The following SEPTIN4 variants were observed in gnomAD, a reference collection of about 807,000 sequenced individuals.
SEPTIN4 encodes septin-4.
In SEPTIN4, 52 loss-of-function variants were observed where a neutral mutation model predicts 107.1. The ratio of observed to expected loss-of-function variants is 0.49; its 90% CI spans 0.39 to 0.61. SEPTIN4 has a LOEUF of 0.61. SEPTIN4 is among the 20% of genes least tolerant of loss of function. SEPTIN4 has a pLI of 0.00. For missense variants in SEPTIN4, 1,048 were observed against 1,243.5 expected (o/e 0.84, Z 2.36); for synonymous variants, 417 against 467.0 (o/e 0.89, Z 1.38).
At chr17:58,534,701 A>C (rs572836569) in intron 3 of SEPTIN4, among the ~76,000 whole-genome samples, 2 of 152,290 alleles carry the variant, frequency 1.3e-5, no homozygotes, top group Admixed American at 6.5e-5. Context: ...TGTCTAGGGG[A>C]GTGTCTAGCT....
chr17:58,529,023 G>A, intron 3 of SEPTIN4: 2 of 1,496,050 alleles, frequency 1.3e-6, no homozygotes, highest in South Asian at 1.1e-5. Context: ...CTCTGCCAGT[G>A]ACCAAATCAT....
Position 58,521,871 on chromosome 17 carries a change from G to A in SEPTIN4, c.2352-18C>T. 1 of 1,614,226 alleles carries A rather than the reference G, an allele frequency of 6.2e-7. No individual in the cohort carries two copies. Among genetic ancestry groups the A allele is most frequent in the Non-Finnish European group, 8.5e-7 (1 of 1,180,042 alleles). ...GCCGGAGCCTGGGGAACAGGAACCT[G>A]TGACCACCTGCTAGTGGCAGCCCTG... On this transcript the variant is annotated intron_variant, in intron 8 of 13. Transcript: ENST00000672673. The surrounding 1 kb of genome is among the most constrained non-coding windows in gnomAD (Gnocchi z 6.4).
intron 3 of SEPTIN4, chr17:58,527,446 T>G: frequency 3.5e-6 from 1 of 284,922 alleles, no homozygotes. Context: ...ATGAGGGAAG[T>G]AGGCAGGGGA....
In SEPTIN4 at chr17:58,521,364, G is replaced by C. The variant is rs1232945071; in HGVS notation, c.2572-14C>G. On this transcript the variant is annotated splice_polypyrimidine_tract_variant and intron_variant, in intron 10 of 13. Coordinates refer to ENST00000672673, the MANE Select transcript of SEPTIN4 (RefSeq NM_001368771.2). The surrounding 1 kb of genome is among the most constrained non-coding windows in gnomAD (Gnocchi z 6.4). ...TGGGATGCTTTCCTGGAAGAGGTTA[G>C]GGGTGCCTGTCAGCACCCTCTGTTC... The C allele has an allele frequency of 6.2e-7, 1 of 1,612,862 alleles. No individual in the cohort carries two copies. The highest frequency in any genetic ancestry group is 8.5e-7 in the Non-Finnish European group (1 of 1,178,930).
intron 3 of SEPTIN4, chr17:58,527,581 C>T: frequency 4.8e-6 from 1 of 207,652 alleles, no homozygotes; most frequent in Non-Finnish European, 9.8e-6. Flanking sequence ...GGGTTCACTG[C>T]CCAGCGCTCA....
chr17:58,529,606 A>G (rs2043285107), intron 3 of SEPTIN4, among the ~76,000 whole-genome samples: 1 of 152,178 alleles, frequency 6.6e-6, no homozygotes, highest in Admixed American at 6.5e-5. Flanking sequence ...TATGAGGACT[A>G]TGAGCTATCC....
In SEPTIN4 at chr17:58,542,822, T is replaced by C; in HGVS notation, c.1365A>G (p.Leu455=). 6.2e-7 allele frequency: 1 copy of C among 1,614,112 alleles called. No homozygotes were observed. Among genetic ancestry groups the C allele is most frequent in the Non-Finnish European group, 8.5e-7 (1 of 1,180,020 alleles). The change falls in exon 1 of 14, where the codon CTA becomes CTG. Residue 455 remains leucine, a synonymous_variant. Coordinates refer to ENST00000672673, the MANE Select transcript of SEPTIN4 (RefSeq NM_001368771.2). ...TTTTAAAACCGGACAATAAAAGATC[T>C]AGGGAAGGAGAGCACTTAGGCTCAA... ...PDFEPKCSPS[L]DLLLSGFKID...
At chr17:58,531,911 T>G (rs1424668668) in intron 3 of SEPTIN4, 1 of 1,131,106 alleles carries the variant, frequency 8.8e-7, no homozygotes, top group Admixed American at 4.9e-5. Flanking sequence ...CGACCGGCCC[T>G]GCGCACCCCA....
At chr17:58,540,631 G>T (rs765721443) in intron 3 of SEPTIN4, 35 bp downstream of exon 3, 7 of 1,342,296 alleles carry the variant, frequency 5.2e-6, no homozygotes, top group Non-Finnish European at 6.7e-6. Context: ...GTGGGCCCAG[G>T]AAGACTGGGA....
In SEPTIN4 at chr17:58,525,696, T is replaced by C. The variant is rs1227582949; in HGVS notation, c.2091A>G (p.Glu697=). 1 of 1,613,612 alleles carries C rather than the reference T, an allele frequency of 6.2e-7. No individual in the cohort carries two copies. The highest frequency in any genetic ancestry group is 8.5e-7 in the Non-Finnish European group (1 of 1,179,648). ...CTGATTGTCCTCTCCTTTCCTTACCTTCAGCACCAAGAAGTTTCCGGTCCC... is the reference window on the plus strand; with the variant it reads ...CTGATTGTCCTCTCCTTTCCTTACCCTCAGCACCAAGAAGTTTCCGGTCCC... The part of the protein sequence containing the change: ...LYRDRKLLGA[E]ERIMQTVEIT... The change falls in exon 6 of 14, where the codon GAA becomes GAG. Residue 697 remains glutamate (E), a splice_region_variant and synonymous_variant. Transcript: ENST00000672673.
intron 3 of SEPTIN4, chr17:58,532,018 G>C (rs2043516202): frequency 8.8e-7 from 1 of 1,132,724 alleles, no homozygotes; most frequent in Non-Finnish European, 1.1e-6. Flanking sequence ...GCGACCCGCG[G>C]CGGAGCTGCG....
At chr17:58,536,630 G>A (rs1054258192) in intron 3 of SEPTIN4, among the ~76,000 whole-genome samples, 4 of 152,156 alleles carry the variant, frequency 2.6e-5, no homozygotes, top group South Asian at 2.1e-4. Flanking sequence ...CCAAGGAAGC[G>A]ACACCCACAG....
intron 3 of SEPTIN4, chr17:58,529,080 G>T (rs1268648399): frequency 1.9e-6 from 3 of 1,612,844 alleles, no homozygotes; most frequent in Non-Finnish European, 2.5e-6. Flanking sequence ...GGGAAGACAG[G>T]TCACGTCCAC....
At chr17:58,541,604 T>C (rs892109736) in intron 2 of SEPTIN4, 11 of 577,904 alleles carry the variant, frequency 1.9e-5, no homozygotes, top group Admixed American at 1.3e-4. Flanking sequence ...GCGGTTTGCT[T>C]TGGTGTATTT....
intron 3 of SEPTIN4, among the ~76,000 whole-genome samples, chr17:58,533,695 A>C (rs1389035346): frequency 1.3e-5 from 2 of 152,142 alleles, no homozygotes; most frequent in East Asian, 3.9e-4. Flanking sequence ...CAGGAAAACA[A>C]AGACATAAAG....
In SEPTIN4 at chr17:58,544,112, TGTGTTA is replaced by T. The variant is rs763763368; in HGVS notation, c.69_74del (p.Asn24_Thr25del). 2 of 1,614,136 alleles carry T rather than the reference TGTGTTA, an allele frequency of 1.2e-6. No individual in the cohort carries two copies. The highest frequency in any genetic ancestry group is 3.3e-5 in the Admixed American group (2 of 60,022). ...CGTACCCATGTCCCTGCTGAGGGGA[TGTGTTA>T]GTAGTAACCTCAGACCCTCTCTGTG... is the stretch of plus-strand genomic sequence containing the variant. On this transcript the variant is annotated inframe_deletion, in exon 1 of 14. Transcript: ENST00000672673.
chr17:58,526,284 G>C lies in SEPTIN4; in HGVS notation c.1941C>G (p.Thr647=). The change falls in exon 5 of 14, where the codon ACC becomes ACG. Residue 647 remains threonine (T), a synonymous_variant. Transcript: ENST00000672673. The stretch of plus-strand genomic sequence containing the variant: ...ACTTTCGGTGGACTTGGTTGGGGAG[G>C]GTTGCAAAGCCCACATACTCCTTGT... The part of the protein sequence containing the change: ...EDDKEYVGFA[T]LPNQVHRKSV... 2 of 1,602,780 alleles carry C rather than the reference G, an allele frequency of 1.2e-6. No individual in the cohort carries two copies. The highest frequency in any genetic ancestry group is 1.7e-6 in the Non-Finnish European group (2 of 1,174,470).
rs980655570 is a variant in SEPTIN4, at chr17:58,532,001, C to G, written c.1615-5023G>C. On this transcript the variant is annotated intron_variant, in intron 3 of 13. Coordinates refer to ENST00000672673, the MANE Select transcript of SEPTIN4 (RefSeq NM_001368771.2). Reference sequence around the variant, plus strand: ...GGCGGGGCCGGCTCCGCCTGGACAGCGCCCGAGCGACCCGCGGCGGAGCTG... The same window carrying G: ...GGCGGGGCCGGCTCCGCCTGGACAGGGCCCGAGCGACCCGCGGCGGAGCTG... The G allele has an allele frequency of 4.0e-5, 46 of 1,139,974 alleles. No homozygotes were observed. The Admixed American group carries it at 7.2e-4, about 18-fold the overall frequency. 70.6% of individuals were successfully genotyped at this position (1,139,974 alleles called of 1,614,324 possible).
Position 58,520,428 on chromosome 17 carries a change from A to T in SEPTIN4, c.2989T>A (p.Ter997LysextTer49). Residue 997 changes from the stop codon to lysine (K), a stop_lost, in exon 14 of 14, where the codon TAA (stop) becomes AAA (lysine). Coordinates refer to ENST00000672673, the MANE Select transcript of SEPTIN4 (RefSeq NM_001368771.2). The part of the protein sequence containing the change: ...KIQKQMKENY[*>K] ...AAATATCCAGGGCTGAAAGCCAGTT[A>T]ATAGTTCTCCTTCATCTGTTTTTGT... is the stretch of plus-strand genomic sequence containing the variant. 4.3e-6 allele frequency: 7 copies of T among 1,612,932 alleles called. No homozygotes were observed. Among genetic ancestry groups the T allele is most frequent in the Non-Finnish European group, 5.9e-6 (7 of 1,179,946 alleles).
Sources: allele counts gnomAD v4.1 joint callset (sites outside exome capture counted in the v4.1 genomes callset), GRCh38; gene constraint gnomAD v4.1.1; non-coding constraint Gnocchi (gnomAD v3.1); transcripts MANE v1.5; gene names NCBI Gene and HGNC (gene_info 2026-07-23, HGNC 2026-07-21).